The following RAPGEF2 variants were observed in gnomAD, a reference collection of about 807,000 sequenced individuals.
RAPGEF2 encodes the protein Rap guanine nucleotide exchange factor 2.
RAPGEF2 carries 54 observed loss-of-function variants against 186.7 expected under a neutral mutation model. The ratio of observed to expected loss-of-function variants is 0.29; its 90% confidence interval spans 0.23 to 0.36. RAPGEF2 has a LOEUF of 0.36. Among genes scored for constraint, RAPGEF2 ranks in the 10% least tolerant of loss-of-function variants. The probability of loss-of-function intolerance (pLI) is 1.00; values close to 1 mark genes in which losing one functional copy is unlikely to be tolerated. For synonymous variants in RAPGEF2, 712 were observed against 705.9 expected (o/e 1.01, Z -0.14); for missense variants, 1,532 against 2,045.0 (o/e 0.75, Z 4.84).
In RAPGEF2 at chr4:159,358,312, A is replaced by G; in HGVS notation, c.*173A>G. On this transcript the variant is annotated 3_prime_UTR_variant, in exon 30 of 30. Transcript: ENST00000691494. ...CTCCCCTTCTTCCTTTCCCCTTTGCATGTGAAATACTGTGAAGAAATTGCC... is the reference window on the plus strand; with the variant it reads ...CTCCCCTTCTTCCTTTCCCCTTTGCGTGTGAAATACTGTGAAGAAATTGCC... 1.6e-6 allele frequency: 1 copy of G among 610,638 alleles called. No homozygotes were observed. Among genetic ancestry groups the G allele is most frequent in the Non-Finnish European group, 2.9e-6 (1 of 350,618 alleles). The allele number at this position is 610,638 out of a possible 1,614,324, so 37.8% of individuals were successfully genotyped here. A position where few individuals can be genotyped will look rare whatever the true frequency, so the allele number is the denominator to read the frequency against.
intron 1 of RAPGEF2, among the ~76,000 whole-genome samples, chr4:159,159,214 G>C (rs540241647): frequency 6.6e-6 from 1 of 152,084 alleles, no homozygotes; most frequent in Admixed American, 6.5e-5. Flanking sequence ...CCTGGATCAC[G>C]CAGCTGTTTA....
intron 1 of RAPGEF2, among the ~76,000 whole-genome samples, chr4:159,168,268 C>G (rs574459609): frequency 5.8e-4 from 88 of 152,196 alleles, no homozygotes; most frequent in Admixed American, 1.0e-3. Flanking sequence ...TTTTCACAAG[C>G]CAAATCTCCC....
chr4:159,354,119 T>G, intron 28 of RAPGEF2, 73 bp downstream of exon 28: 1 of 1,397,136 alleles, frequency 7.2e-7, no homozygotes, highest in Middle Eastern at 1.9e-4. Context: ...AATAGTAAAA[T>G]TATGTGTTTG....
chr4:159,269,399 T>C (rs959147690), intron 7 of RAPGEF2, among the ~76,000 whole-genome samples: 41 of 151,846 alleles, frequency 2.7e-4, no homozygotes, highest in African/African-American at 9.7e-4. Flanking sequence ...CTCGTGGTAC[T>C]TCACTAATTA....
At chr4:159,297,299 G>A (rs544331117) in intron 7 of RAPGEF2, among the ~76,000 whole-genome samples, 12 of 152,330 alleles carry the variant, frequency 7.9e-5, no homozygotes, top group African/African-American at 2.6e-4. Flanking sequence ...TCCTCTGAGA[G>A]GCAGTGTGCT....
chr4:159,286,924 G>C (rs557182877), intron 7 of RAPGEF2, among the ~76,000 whole-genome samples: 1 of 152,058 alleles, frequency 6.6e-6, no homozygotes, highest in African/African-American at 2.4e-5. Flanking sequence ...TGCAAGCTTC[G>C]TGAGAGTATG....
chr4:159,264,680 C>T (rs1263078831), intron 7 of RAPGEF2, among the ~76,000 whole-genome samples: 6 of 152,126 alleles, frequency 3.9e-5, no homozygotes, highest in Non-Finnish European at 8.8e-5. Flanking sequence ...GCAACCATTA[C>T]CGCCATCCAT....
chr4:159,342,432 T>C (rs1277484856), intron 20 of RAPGEF2, among the ~76,000 whole-genome samples: 1 of 151,640 alleles, frequency 6.6e-6, no homozygotes, highest in East Asian at 1.9e-4. Context: ...GAAAAAAAAA[T>C]GGCAACAATT....
At chr4:159,120,463 AAGATT>A (rs1739550739) in intron 1 of RAPGEF2, among the ~76,000 whole-genome samples, 1 of 152,256 alleles carries the variant, frequency 6.6e-6, no homozygotes, top group African/African-American at 2.4e-5. Context: ...GTTGTTATAC[AAGATT>A]AGCTTTGATA....
At chr4:159,115,712 G>A (rs763783857) in intron 1 of RAPGEF2, among the ~76,000 whole-genome samples, 2 of 152,118 alleles carry the variant, frequency 1.3e-5, no homozygotes, top group African/African-American at 2.4e-5. Flanking sequence ...AACCAAAACA[G>A]CATGGTACTG....
intron 4 of RAPGEF2, among the ~76,000 whole-genome samples, chr4:159,232,140 T>C (rs903448803): frequency 6.6e-6 from 1 of 152,222 alleles, no homozygotes; most frequent in African/African-American, 2.4e-5. Flanking sequence ...TATGTCATTT[T>C]AACTAGTTTT....
rs570005823 is a variant in RAPGEF2, at chr4:159,355,401, A to G, written c.4652-452A>G. Among the ~76,000 whole-genome samples, 133 of 152,278 alleles carry G rather than the reference A, an allele frequency of 8.7e-4. 1 individual carries two copies. The highest frequency in any genetic ancestry group is 3.1e-3 in the African/African-American group (129 of 41,554). On this transcript the variant is annotated intron_variant, in intron 28 of 29. Coordinates refer to ENST00000691494, the MANE Select transcript of RAPGEF2 (RefSeq NM_001394067.2). ...ATTGCTTCTCTGCCTGGTAAAGATAAATGCCCAGAAAGAGGGCAGATCCGG... is the reference window on the plus strand; with the variant it reads ...ATTGCTTCTCTGCCTGGTAAAGATAGATGCCCAGAAAGAGGGCAGATCCGG...
At chr4:159,213,885 A>G (rs868614487) in intron 4 of RAPGEF2, among the ~76,000 whole-genome samples, 2 of 152,166 alleles carry the variant, frequency 1.3e-5, no homozygotes, top group African/African-American at 4.8e-5. Context: ...TTTTTAATCT[A>G]CTAGAAATTT....
chr4:159,173,373 A>G lies in RAPGEF2; in HGVS notation c.70-13269A>G, dbSNP rs149619437. 4.6e-5 allele frequency among the ~76,000 whole-genome samples: 7 copies of G among 152,258 alleles called. No individual in the cohort carries two copies. In the East Asian group the frequency reaches 9.6e-4, roughly 21 times the overall value. ...AGGACTATTGAGATTTGTACAGTGA[A>G]TGTTCAAAATGAGTGCTGTTGATAG... On this transcript the variant is annotated intron_variant, in intron 1 of 29. Coordinates refer to ENST00000691494, the MANE Select transcript of RAPGEF2 (RefSeq NM_001394067.2).
intron 25 of RAPGEF2, among the ~76,000 whole-genome samples, chr4:159,349,056 G>A (rs1459266152): frequency 2.0e-5 from 3 of 152,174 alleles, no homozygotes; most frequent in African/African-American, 7.2e-5. Flanking sequence ...TGGTTTGAAA[G>A]GTAGTACTTT....
intron 1 of RAPGEF2, among the ~76,000 whole-genome samples, chr4:159,185,280 A>C (rs1175903656): frequency 6.6e-6 from 1 of 152,196 alleles, no homozygotes; most frequent in African/African-American, 2.4e-5. Flanking sequence ...AGAGTCAAAC[A>C]TAGAGTTACC....
intron 4 of RAPGEF2, among the ~76,000 whole-genome samples, chr4:159,212,979 G>A (rs1211972376): frequency 6.6e-6 from 1 of 152,160 alleles, no homozygotes; most frequent in East Asian, 1.9e-4. Context: ...TGAGCACATT[G>A]GACTCTACGT....
At chr4:159,121,457 C>G (rs1159795407) in intron 1 of RAPGEF2, among the ~76,000 whole-genome samples, 1 of 151,832 alleles carries the variant, frequency 6.6e-6, no homozygotes, top group East Asian at 1.9e-4. Context: ...GCCTCAATCT[C>G]TTGGACTCAA....
chr4:159,161,259 A>G (rs547604475), intron 1 of RAPGEF2, among the ~76,000 whole-genome samples: 1 of 152,358 alleles, frequency 6.6e-6, no homozygotes, highest in East Asian at 1.9e-4. Flanking sequence ...CTCTGGTATT[A>G]GTTTCAGAAA....
Sources: gnomAD v4.1 joint callset for allele counts (sites outside exome capture counted in the v4.1 genomes callset) on GRCh38, gnomAD v4.1.1 for gene constraint, MANE v1.5 for transcripts, NCBI Gene and HGNC (gene_info 2026-07-23, HGNC 2026-07-21) for gene names.